Variants in CADM2 observed in about 807,000 individuals in gnomAD.
CADM2 encodes the protein immunoglobulin superfamily member 4D.
CADM2 carries 12 observed loss-of-function variants against 49.8 expected under a neutral mutation model. That is an observed-to-expected ratio of 0.24 (90% CI 0.15 to 0.39). CADM2 has a LOEUF of 0.39. Ranked by LOEUF, CADM2 falls within the 10% of genes least tolerant of loss-of-function variation. The pLI is 1.00. For synonymous variants in CADM2, 214 were observed against 175.4 expected (o/e 1.22, Z -1.74); for missense variants, 378 against 492.3 (o/e 0.77, Z 2.20).
intron 8 of CADM2, among the ~76,000 whole-genome samples, chr3:85,963,419 G>C (rs1276638931): frequency 6.6e-6 from 1 of 151,854 alleles, no homozygotes; most frequent in Non-Finnish European, 1.5e-5. Flanking sequence ...GAAGGTAAGT[G>C]AGATCCTTAG....
chr3:85,722,245 A>G (rs2067529399), intron 1 of CADM2, among the ~76,000 whole-genome samples: 1 of 151,244 alleles, frequency 6.6e-6, no homozygotes, highest in African/African-American at 2.4e-5. Context: ...TACTCTTAGC[A>G]GAGAGGAGAC....
intron 1 of CADM2, among the ~76,000 whole-genome samples, chr3:85,451,734 G>A (rs59241123): frequency 0.088 from 13,329 of 152,044 alleles, 1,880 homozygotes; most frequent in African/African-American, 0.3. Flanking sequence ...CCTTTAAAAT[G>A]ACATTTTATT....
At chr3:86,026,625 A>G (rs1733937106) in intron 8 of CADM2, among the ~76,000 whole-genome samples, 1 of 152,174 alleles carries the variant, frequency 6.6e-6, no homozygotes, top group Admixed American at 6.5e-5. Flanking sequence ...ACTGACGCCT[A>G]TTCATCCTTC....
chr3:85,962,761 T>A (rs552964868), intron 8 of CADM2, among the ~76,000 whole-genome samples: 140 of 152,030 alleles, frequency 9.2e-4, no homozygotes, highest in African/African-American at 3.2e-3. Context: ...AAGATTTTCA[T>A]CATATTTCAC....
intron 5 of CADM2, among the ~76,000 whole-genome samples, chr3:85,893,560 AC>A (rs1336222224): frequency 6.6e-6 from 1 of 152,204 alleles, no homozygotes; most frequent in Non-Finnish European, 1.5e-5. Flanking sequence ...TGAACAGGCA[AC>A]CCACAGAATG....
intron 2 of CADM2, among the ~76,000 whole-genome samples, chr3:85,758,821 G>A (rs2069240454): frequency 6.6e-6 from 1 of 151,868 alleles, no homozygotes; most frequent in African/African-American, 2.4e-5. Flanking sequence ...TCAGTGTTCT[G>A]GCTTGACTGT....
intron 1 of CADM2, among the ~76,000 whole-genome samples, chr3:85,722,184 A>G (rs960348284): frequency 6.6e-6 from 1 of 152,086 alleles, no homozygotes; most frequent in African/African-American, 2.4e-5. Flanking sequence ...AGCAGAGAGG[A>G]GACCCTGGAG....
Position 85,038,091 on chromosome 3 carries a change from A to G in CADM2, c.61+78423A>G, listed in dbSNP as rs536027132. 2.0e-5 allele frequency among the ~76,000 whole-genome samples: 3 copies of G among 152,298 alleles called. No individual in the cohort carries two copies. In the East Asian group the frequency reaches 5.8e-4, roughly 29 times the overall value. ...CTGGTATAGTTTGTGGTCTTTTCTT[A>G]GTACTTAGTTAAGTGATGATTCCAT... On this transcript the variant is annotated intron_variant, in intron 1 of 9. Coordinates refer to ENST00000383699, the MANE Select transcript of CADM2 (RefSeq NM_001167675.2).
rs551897229 is a variant in CADM2 at position 85,952,673 on chromosome 3, G to A, written c.792-8796G>A. Among the ~76,000 whole-genome samples, 7 of 151,032 alleles carry A rather than the reference G, an allele frequency of 4.6e-5. No individual in the cohort carries two copies. In the East Asian group the frequency reaches 1.2e-3, roughly 25 times the overall value. ...GTACAGACTAGAGGCTGTAAAGAGA[G>A]TTTCTTTTATCTCTTCCTTAACACC... On this transcript the variant is annotated intron_variant, in intron 7 of 9. Coordinates refer to ENST00000383699, the MANE Select transcript of CADM2 (RefSeq NM_001167675.2).
chr3:86,041,190 G>C (rs147004504), intron 8 of CADM2, among the ~76,000 whole-genome samples: 5,206 of 152,094 alleles, frequency 0.034, 173 homozygotes, highest in African/African-American at 0.084. Flanking sequence ...GCAAAATAAC[G>C]AGCTAACATC....
intron 1 of CADM2, among the ~76,000 whole-genome samples, chr3:85,583,809 C>T (rs2062860232): frequency 6.6e-6 from 1 of 151,810 alleles, no homozygotes; most frequent in Non-Finnish European, 1.5e-5. Context: ...CATGAAATTA[C>T]ATTTTTTTAA....
intron 7 of CADM2, among the ~76,000 whole-genome samples, chr3:85,949,750 T>C (rs1723213280): frequency 1.3e-5 from 2 of 151,148 alleles, no homozygotes; most frequent in Admixed American, 1.3e-4. Context: ...AAACAAATCA[T>C]GAAGCAGAAG....
At chr3:85,354,479 T>G (rs1295810380) in intron 1 of CADM2, among the ~76,000 whole-genome samples, 2 of 151,706 alleles carry the variant, frequency 1.3e-5, no homozygotes, top group Admixed American at 6.6e-5. Context: ...ATTGTGCACA[T>G]GTACCCTAAA....
intron 1 of CADM2, among the ~76,000 whole-genome samples, chr3:85,698,359 G>T (rs375063978): frequency 6.6e-6 from 1 of 152,152 alleles, no homozygotes; most frequent in Non-Finnish European, 1.5e-5. Flanking sequence ...CCATAAGCAA[G>T]GTGGAAGCTA....
At chr3:85,191,890 C>T (rs76221986) in intron 1 of CADM2, among the ~76,000 whole-genome samples, 5,138 of 151,884 alleles carry the variant, frequency 0.034, 115 homozygotes, top group Middle Eastern at 0.058. Flanking sequence ...CATGTAGGGT[C>T]AGCAACCTCA....
intron 1 of CADM2, among the ~76,000 whole-genome samples, chr3:85,512,834 A>C (rs1275174534): frequency 6.6e-6 from 1 of 152,050 alleles, no homozygotes; most frequent in African/African-American, 2.4e-5. Flanking sequence ...TTAAAAACAT[A>C]TAAGGAATAA....
At chr3:84,977,457 AAT>A (rs1291891930) in intron 1 of CADM2, among the ~76,000 whole-genome samples, 1 of 152,052 alleles carries the variant, frequency 6.6e-6, no homozygotes. Flanking sequence ...CCACAAACTT[AAT>A]ATATTCTCAC....
intron 1 of CADM2, among the ~76,000 whole-genome samples, chr3:85,035,602 G>C (rs935065959): frequency 6.6e-6 from 1 of 152,092 alleles, no homozygotes; most frequent in Non-Finnish European, 1.5e-5. Context: ...TTTTGTATAT[G>C]GGGGGAGATA....
intron 8 of CADM2, among the ~76,000 whole-genome samples, chr3:86,017,848 T>C (rs1048950752): frequency 7.3e-5 from 11 of 150,260 alleles, no homozygotes; most frequent in African/African-American, 2.7e-4. Context: ...TTTTTTTTTA[T>C]AAAGTCTTTT....
Sources: allele counts gnomAD v4.1 joint callset (sites outside exome capture counted in the v4.1 genomes callset), GRCh38; gene constraint gnomAD v4.1.1; transcripts MANE v1.5; gene names NCBI Gene and HGNC (gene_info 2026-07-23, HGNC 2026-07-21).